Variants in WIPI2 observed in about 807,000 individuals in gnomAD.
WIPI2 encodes the protein WD repeat domain, phosphoinositide interacting 2.
Under a neutral mutation model 52.3 loss-of-function variants are expected in WIPI2, and 28 were observed. The ratio of observed to expected loss-of-function variants is 0.54; its 90% confidence interval spans 0.40 to 0.73. The LOEUF (loss-of-function observed/expected upper bound fraction) is 0.73, where lower values mean the gene tolerates loss of function less well. Among genes scored for constraint, WIPI2 ranks in the 30% least tolerant of loss-of-function variants. The probability of loss-of-function intolerance (pLI) is 0.00; values close to 1 mark genes in which losing one functional copy is unlikely to be tolerated. For missense variants in WIPI2, 506 were observed against 602.9 expected (o/e 0.84, Z 1.68); for synonymous variants, 268 against 245.0 (o/e 1.09, Z -0.88).
At chr7:5,214,153 A>T in intron 3 of WIPI2, 1 of 746,158 alleles carries the variant, frequency 1.3e-6, no homozygotes, top group Non-Finnish European at 1.9e-6. Context: ...TATGGAACCC[A>T]GGGGAAGCAA....
In WIPI2 at chr7:5,197,111, CAAAAAACAAAAAAAAAAAAAA is replaced by C. The variant is rs1219361177; in HGVS notation, c.129-2458_129-2438del. 2.4e-3 allele frequency among the ~76,000 whole-genome samples: 134 copies of C among 56,432 alleles called. 2 individuals carry two copies. Among genetic ancestry groups the C allele is most frequent in the East Asian group, 7.8e-3 (16 of 2,062 alleles). 37.0% of individuals were successfully genotyped at this position (56,432 alleles called of 152,430 possible). A position where few individuals can be genotyped will look rare whatever the true frequency, so the allele number is the denominator to read the frequency against. On this transcript the variant is annotated intron_variant, in intron 2 of 12. Coordinates refer to ENST00000288828, the MANE Select transcript of WIPI2 (RefSeq NM_015610.4). ...TGCATGACAGAGCGGGACTCCGTCTCAAAAAACAAAAAAAAAAAAAAAAAAAAAAAAAAAACCATAAAATAA... is the reference window on the plus strand; with the variant it reads ...TGCATGACAGAGCGGGACTCCGTCTCAAAAAAAAAAAAAACCATAAAATAA...
chr7:5,217,059 T>C (rs756788129), intron 5 of WIPI2, 31 bp from the exon 6 acceptor site: 2 of 1,591,600 alleles, frequency 1.3e-6, no homozygotes, highest in Non-Finnish European at 1.7e-6. Context: ...AGGTGGAAGT[T>C]TGCATCTCGT....
At chr7:5,207,355 T>C (rs1430517959) in intron 3 of WIPI2, among the ~76,000 whole-genome samples, 1 of 152,186 alleles carries the variant, frequency 6.6e-6, no homozygotes, top group Non-Finnish European at 1.5e-5. Context: ...CAACCAGTGT[T>C]CTGGTTTTTT....
rs368759450 is a variant in WIPI2 at position 5,227,377 on chromosome 7, C to T, written c.1013+33C>T. 4 of 1,605,558 alleles carry T rather than the reference C, an allele frequency of 2.5e-6. No individual in the cohort carries two copies. Among genetic ancestry groups the T allele is most frequent in the Admixed American group, 1.7e-5 (1 of 59,860 alleles). ...GAGCCGGCGCCTCCGTCCCCCACCC[C>T]GTGTGCCTCAGGCCGAGGGGCCCAG... On this transcript the variant is annotated intron_variant, in intron 10 of 12. Coordinates refer to ENST00000288828, the MANE Select transcript of WIPI2 (RefSeq NM_015610.4). The surrounding 1 kb of genome is among the most constrained non-coding windows in gnomAD (Gnocchi z 8.1).
intron 7 of WIPI2, among the ~76,000 whole-genome samples, chr7:5,220,506 T>G (rs1783065410): frequency 6.6e-6 from 1 of 152,144 alleles, no homozygotes; most frequent in African/African-American, 2.4e-5. Flanking sequence ...CCCAAAGTGC[T>G]GGGATTACAG....
intron 5 of WIPI2, 28 bp downstream of exon 5, chr7:5,216,687 C>T (rs1392084409): frequency 6.2e-7 from 1 of 1,608,000 alleles, no homozygotes; most frequent in Non-Finnish European, 8.5e-7. Flanking sequence ...GAGAGAATCC[C>T]ATTTTTCTGA....
chr7:5,222,791 C>T (rs532900093), intron 8 of WIPI2, 119 bp downstream of exon 8: 32 of 995,062 alleles, frequency 3.2e-5, no homozygotes, highest in South Asian at 7.1e-5. Flanking sequence ...ATTTCTAGCC[C>T]GGCTGGGTCA....
chr7:5,210,511 G>T (rs1782505416), intron 3 of WIPI2, among the ~76,000 whole-genome samples: 1 of 152,126 alleles, frequency 6.6e-6, no homozygotes, highest in Non-Finnish European at 1.5e-5. Flanking sequence ...TGCCACACAG[G>T]GCCCTGGGCC....
At chr7:5,216,500 G>A in intron 4 of WIPI2, 63 bp from the exon 5 acceptor site, 1 of 1,301,016 alleles carries the variant, frequency 7.7e-7, no homozygotes, top group South Asian at 1.2e-5. Context: ...GTCAACTGGA[G>A]ATTGGGGCAG....
intron 1 of WIPI2, 98 bp downstream of exon 1, chr7:5,190,591 C>T (rs943842365): frequency 5.8e-6 from 7 of 1,213,524 alleles, no homozygotes; most frequent in Non-Finnish European, 7.4e-6. Context: ...GTCGCAGGCT[C>T]GGCCTCCCCG....
At chr7:5,198,394 G>A (rs941666957) in intron 2 of WIPI2, among the ~76,000 whole-genome samples, 1 of 151,538 alleles carries the variant, frequency 6.6e-6, no homozygotes, top group Non-Finnish European at 1.5e-5. Flanking sequence ...GCTCACTGCA[G>A]CCACCTCCTC....
intron 6 of WIPI2, chr7:5,217,548 C>A: frequency 2.5e-6 from 1 of 394,332 alleles, no homozygotes; most frequent in Non-Finnish European, 4.8e-6. Context: ...CCTCCCGCCT[C>A]GGCCCCCTAA....
At chr7:5,208,690 C>G (rs1782411058) in intron 3 of WIPI2, among the ~76,000 whole-genome samples, 1 of 152,122 alleles carries the variant, frequency 6.6e-6, no homozygotes, top group Non-Finnish European at 1.5e-5. Context: ...TTTCTTCCCT[C>G]CTGGGATTGC....
intron 2 of WIPI2, among the ~76,000 whole-genome samples, chr7:5,193,783 G>A (rs79920457): frequency 1.4e-3 from 212 of 152,046 alleles, no homozygotes; most frequent in African/African-American, 4.9e-3. Context: ...TTGCTATGTC[G>A]ACCAGGCTGG....
intron 2 of WIPI2, among the ~76,000 whole-genome samples, chr7:5,199,056 G>A (rs1781889129): frequency 6.6e-6 from 1 of 152,026 alleles, no homozygotes; most frequent in East Asian, 1.9e-4. Flanking sequence ...ATCTCGCTCC[G>A]TCTCCCAGGC....
chr7:5,204,393 G>C (rs1782191987), intron 3 of WIPI2, among the ~76,000 whole-genome samples: 1 of 152,102 alleles, frequency 6.6e-6, no homozygotes, highest in East Asian at 1.9e-4. Flanking sequence ...CTTGGACCCG[G>C]GAGTCAAAGG....
Position 5,228,219 on chromosome 7 carries a change from T to C in WIPI2, c.1121+8T>C, listed in dbSNP as rs759051412. On this transcript the variant is annotated splice_region_variant and intron_variant, in intron 11 of 12. Coordinates refer to ENST00000288828, the MANE Select transcript of WIPI2 (RefSeq NM_015610.4). ...CCTGATGAAGCAGCACCGGTGAGTC[T>C]GCTCCGGCCGCTTCACGGAGCTGCT... The C allele has an allele frequency of 6.2e-7, 1 of 1,607,678 alleles. No individual in the cohort carries two copies. Among genetic ancestry groups the C allele is most frequent in the Non-Finnish European group, 8.5e-7 (1 of 1,177,790 alleles).
At position 5,190,278 on chromosome 7, in the gene WIPI2, G is replaced by C. The variant is rs1781405756; in HGVS notation, c.-142G>C. The C allele has an allele frequency of 2.4e-6, 1 of 412,152 alleles. No homozygotes were observed. Among genetic ancestry groups the C allele is most frequent in the African/African-American group, 2.1e-5 (1 of 47,140 alleles). The allele number at this position is 412,152 out of a possible 1,614,324, so 25.5% of individuals were successfully genotyped here. ...GGAGCATAAACAAGAGCGGGGACGGGATGAGGCGGCGGTTGATCCCAGGGT... is the reference window on the plus strand; with the variant it reads ...GGAGCATAAACAAGAGCGGGGACGGCATGAGGCGGCGGTTGATCCCAGGGT... On this transcript the variant is annotated 5_prime_UTR_variant, in exon 1 of 13. Transcript: ENST00000288828.
intron 3 of WIPI2, among the ~76,000 whole-genome samples, chr7:5,206,214 A>G (rs1782289262): frequency 6.6e-6 from 1 of 152,106 alleles, no homozygotes; most frequent in African/African-American, 2.4e-5. Context: ...CTTGGAGTGT[A>G]TTGGATGTAA....
Sources: gnomAD v4.1 joint callset for allele counts (sites outside exome capture counted in the v4.1 genomes callset) on GRCh38, gnomAD v4.1.1 for gene constraint, Gnocchi (gnomAD v3.1) non-coding constraint, MANE v1.5 for transcripts, NCBI Gene and HGNC (gene_info 2026-07-23, HGNC 2026-07-21) for gene names.